Variants in ANHX observed in about 807,000 individuals in gnomAD.
ANHX encodes anomalous homeobox protein.
Under a neutral mutation model 38.9 loss-of-function variants are expected in ANHX, and 20 were observed. The observed-to-expected ratio is 0.51, with a 90% CI of 0.36 to 0.75. The LOEUF (loss-of-function observed/expected upper bound fraction) is 0.75. Among genes scored for constraint, ANHX ranks in the 30% least tolerant of loss-of-function variants. The pLI is 0.00. For synonymous variants in ANHX, 185 were observed against 203.1 expected (o/e 0.91, Z 0.76); for missense variants, 475 against 493.1 (o/e 0.96, Z 0.35).
chr12:133,234,239 G>A lies in ANHX; in HGVS notation c.118C>T (p.Gln40Ter). Residue 40 changes from glutamine to a stop codon, truncating the protein, a stop_gained, in exon 2 of 10, where the codon CAG (glutamine) becomes TAG (stop). Transcript: ENST00000545940. LOFTEE classifies it high-confidence loss of function. ...TCCAGAATGGCTGTGACCAAAGGCT[G>A]CAGTTGGGCAAGGTCATCCTGGAAG... ...RDFQDDLAQL[Q>*]PLVTAILDSQ... The A allele has an allele frequency of 6.5e-7, 1 of 1,536,198 alleles. No individual in the cohort carries two copies. The highest frequency in any genetic ancestry group is 8.7e-7 in the Non-Finnish European group (1 of 1,146,920).
rs987131184 is a variant in ANHX, at chr12:133,221,143, C to A, written c.1280+62G>T. On this transcript the variant is annotated intron_variant, in intron 8 of 9. Coordinates refer to ENST00000545940, the MANE Select transcript of ANHX (RefSeq NM_001372060.1). The surrounding 1 kb of genome is among the most constrained non-coding windows in gnomAD (Gnocchi z 4.1). The stretch of plus-strand genomic sequence containing the variant: ...CGGGACGGTGAGTCTATAAACTGGG[C>A]ATTACCCTATCTTGTGGCCTGTGGA... The A allele has an allele frequency of 2.0e-6, 3 of 1,519,152 alleles. No homozygotes were observed. Among genetic ancestry groups the A allele is most frequent in the Non-Finnish European group, 1.8e-6 (2 of 1,136,630 alleles). The allele number at this position is 1,519,152 out of a possible 1,614,324, so 94.1% of individuals were successfully genotyped here. A position where few individuals can be genotyped will look rare whatever the true frequency, so the allele number is the denominator to read the frequency against.
intron 1 of ANHX, chr12:133,234,636 T>G (rs1957337663): frequency 2.3e-6 from 1 of 433,682 alleles, no homozygotes; most frequent in Non-Finnish European, 4.2e-6. Flanking sequence ...GGGTACTGTC[T>G]GCAACAGCTC....
At chr12:133,222,242 C>T (rs1040602928) in intron 7 of ANHX, among the ~76,000 whole-genome samples, 3 of 152,170 alleles carry the variant, frequency 2.0e-5, no homozygotes, top group Non-Finnish European at 4.4e-5. Context: ...CAATAGATTA[C>T]GCATTCTCTT....
At chr12:133,228,847 T>C (rs1172758628) in intron 3 of ANHX, among the ~76,000 whole-genome samples, 1 of 152,246 alleles carries the variant, frequency 6.6e-6, no homozygotes, top group Non-Finnish European at 1.5e-5. Context: ...CCCATGAGTC[T>C]GCTCCAGTTC....
At position 133,227,902 on chromosome 12, in the gene ANHX, C is replaced by G; in HGVS notation, c.423G>C (p.Arg141=). The G allele has an allele frequency of 6.5e-7, 1 of 1,531,866 alleles. No individual in the cohort carries two copies. Among genetic ancestry groups the G allele is most frequent in the Non-Finnish European group, 8.7e-7 (1 of 1,145,370 alleles). 94.9% of individuals were successfully genotyped at this position (1,531,866 alleles called of 1,614,324 possible). ...PSLCPEGLKS[R]NFPREVREKL... ...TCTCACGAACCTCTCTGGGGAAGTT[C>G]CGGCTCTTCAGCCCCTCTGGGCAGA... The change falls in exon 4 of 10, where the codon CGG becomes CGC. Residue 141 remains arginine, a synonymous_variant. Coordinates refer to ENST00000545940, the MANE Select transcript of ANHX (RefSeq NM_001372060.1).
At chr12:133,219,704 G>A (rs1379980616) in intron 8 of ANHX, among the ~76,000 whole-genome samples, 1 of 152,178 alleles carries the variant, frequency 6.6e-6, no homozygotes, top group Non-Finnish European at 1.5e-5. Context: ...ACAAGGGGCG[G>A]TGGTTCTTCA....
At chr12:133,225,901 G>A (rs749114223) in intron 6 of ANHX, among the ~76,000 whole-genome samples, 73 bp from the exon 7 acceptor site, 43 of 152,196 alleles carry the variant, frequency 2.8e-4, no homozygotes, top group East Asian at 5.8e-4. Flanking sequence ...GGAGCACAAC[G>A]GTGCTCAAAC....
chr12:133,226,964 A>G lies in ANHX; in HGVS notation c.690T>C (p.Ser230=), dbSNP rs1957197625. 1 of 1,531,626 alleles carries G rather than the reference A, an allele frequency of 6.5e-7. No homozygotes were observed. Among genetic ancestry groups the G allele is most frequent in the African/African-American group, 1.4e-5 (1 of 73,104 alleles). 94.9% of individuals were successfully genotyped at this position (1,531,626 alleles called of 1,614,324 possible). ...LQPSGNPRVD[S]GFVDRPQWSE... is the part of the protein sequence containing the mutation. Reference sequence around the variant, plus strand: ...ACCACTGAGGCCTGTCCACAAACCCAGAGTCAACACGGGGGTTGCCTGAGG... The same window carrying G: ...ACCACTGAGGCCTGTCCACAAACCCGGAGTCAACACGGGGGTTGCCTGAGG... Residue 230 remains serine, a synonymous_variant, in exon 5 of 10, where the codon TCT becomes TCC. Transcript: ENST00000545940.
intron 9 of ANHX, 91 bp downstream of exon 9, chr12:133,219,192 C>A: frequency 8.2e-7 from 1 of 1,217,074 alleles, no homozygotes; most frequent in Non-Finnish European, 1.2e-6. Flanking sequence ...TGTATTCACT[C>A]CAGTGGCACT....
At chr12:133,220,926 G>A (rs985629767) in intron 8 of ANHX, among the ~76,000 whole-genome samples, 1 of 152,228 alleles carries the variant, frequency 6.6e-6, no homozygotes, top group African/African-American at 2.4e-5. Context: ...GGAAAAGAAA[G>A]GCTGCTGGGG....
At position 133,221,461 on chromosome 12, in the gene ANHX, C is replaced by G; in HGVS notation, c.1133-109G>C. ...GAGGCGGATGCAGCCTCCGGCCCAG[C>G]CAGCCCGCGCCACGTGAACCAGACT... On this transcript the variant is annotated intron_variant, in intron 7 of 9. Transcript: ENST00000545940. This position sits in a 1 kb window ranked among gnomAD's most constrained non-coding sequence, Gnocchi z 4.1. 8.0e-7 allele frequency: 1 copy of G among 1,257,854 alleles called. No homozygotes were observed. The highest frequency in any genetic ancestry group is 1.1e-6 in the Non-Finnish European group (1 of 934,600). 77.9% of individuals were successfully genotyped at this position (1,257,854 alleles called of 1,614,324 possible).
At chr12:133,232,239 C>G (rs904746213) in intron 2 of ANHX, among the ~76,000 whole-genome samples, 1 of 152,252 alleles carries the variant, frequency 6.6e-6, no homozygotes, top group East Asian at 1.9e-4. Flanking sequence ...ATCCACTTAA[C>G]TGGACTTTGC....
chr12:133,228,424 A>G (rs577173591), intron 3 of ANHX, among the ~76,000 whole-genome samples: 18 of 152,082 alleles, frequency 1.2e-4, no homozygotes, highest in Non-Finnish European at 2.5e-4. Flanking sequence ...CTTTCTGTTC[A>G]TCGCTGGTTT....
At chr12:133,224,944 G>GCGAC (rs1379991747) in intron 7 of ANHX, among the ~76,000 whole-genome samples, 11 of 147,294 alleles carry the variant, frequency 7.5e-5, no homozygotes, top group East Asian at 2.0e-4. Flanking sequence ...TCCAGCCTGG[G>GCGAC]TGAGCAAGAC....
chr12:133,219,027 C>A, intron 9 of ANHX, 56 bp from the exon 10 acceptor site: 1 of 1,454,562 alleles, frequency 6.9e-7, no homozygotes. Context: ...TCAAGACCTG[C>A]CCTCCCACCT....
rs2135561159 is a variant in ANHX, at chr12:133,226,410, C to G, written c.747G>C (p.Gln249His). 6.5e-7 allele frequency: 1 copy of G among 1,535,676 alleles called. No individual in the cohort carries two copies. The highest frequency in any genetic ancestry group is 8.7e-7 in the Non-Finnish European group (1 of 1,146,578). Residue 249 changes from glutamine to histidine, a missense_variant, in exon 6 of 10, where the codon CAG becomes CAC. Gln to His is a conservative substitution (Grantham distance 24, BLOSUM62 0). Coordinates refer to ENST00000545940, the MANE Select transcript of ANHX (RefSeq NM_001372060.1). ...SEEREEKGPPQSPQTTQGPWE... is the reference protein window; with the variant it reads ...SEEREEKGPPHSPQTTQGPWE... ...ATGGTCCTTGGGTGGTCTGTGGGGA[C>G]TGTGGAGGCCCCTTTTCCTCACGTT...
chr12:133,224,958 G>A (rs1265202879), intron 7 of ANHX, among the ~76,000 whole-genome samples: 20 of 122,164 alleles, frequency 1.6e-4, no homozygotes, highest in Admixed American at 2.4e-4. Flanking sequence ...GCAAGACTCC[G>A]TCTCAAAAAA....
chr12:133,234,691 G>C lies in ANHX; in HGVS notation c.-22-313C>G, dbSNP rs142643049. 1.1e-4 allele frequency: 31 copies of C among 292,206 alleles called. No individual in the cohort carries two copies. In the East Asian group the frequency reaches 2.2e-3, roughly 21 times the overall value. The allele number at this position is 292,206 out of a possible 1,614,324, so 18.1% of individuals were successfully genotyped here. Reference sequence around the variant, plus strand: ...GTAGGGTAGGGACCTTGTGTGCAGGGGTCACCAGTGGATGCCAAGGCCTTT... The same window carrying C: ...GTAGGGTAGGGACCTTGTGTGCAGGCGTCACCAGTGGATGCCAAGGCCTTT... On this transcript the variant is annotated intron_variant, in intron 1 of 9. Transcript: ENST00000545940.
In ANHX at chr12:133,219,356, A is replaced by G; in HGVS notation, c.1292T>C (p.Leu431Pro). Residue 431 changes from leucine (L) to proline (P), a missense_variant, in exon 9 of 10, where the codon CTG (leucine) becomes CCG (proline). Transcript: ENST00000545940. ...GGGGAAGGCAGATGGGGCTGGGGCC[A>G]GCTCTGGAGGGCTGGAAAAGAGACA... Reference protein sequence around the residue: ...EFILTQSPPELAPAPSAFPGP... With the variant: ...EFILTQSPPEPAPAPSAFPGP... 2 of 1,530,498 alleles carry G rather than the reference A, an allele frequency of 1.3e-6. No homozygotes were observed. Among genetic ancestry groups the G allele is most frequent in the Non-Finnish European group, 1.7e-6 (2 of 1,144,284 alleles). 94.8% of individuals were successfully genotyped at this position (1,530,498 alleles called of 1,614,324 possible). A position where few individuals can be genotyped will look rare whatever the true frequency, so the allele number is the denominator to read the frequency against.
Sources: gnomAD v4.1 joint callset for allele counts (sites outside exome capture counted in the v4.1 genomes callset) on GRCh38, gnomAD v4.1.1 for gene constraint, Gnocchi (gnomAD v3.1) non-coding constraint, MANE v1.5 for transcripts, NCBI Gene and HGNC (gene_info 2026-07-23, HGNC 2026-07-21) for gene names.